Variants in SMAD9 observed in about 807,000 individuals in gnomAD.
SMAD9 encodes SMAD family member 9, also known as MAD homolog 9.
A neutral mutation model predicts 46.1 loss-of-function variants in SMAD9; 36 were observed. The observed-to-expected ratio is 0.78, with a 90% confidence interval of 0.60 to 1.03. The LOEUF is 1.03. Ranked by LOEUF, SMAD9 falls within the 50% of genes least tolerant of loss-of-function variation. The pLI is 0.00. For synonymous variants in SMAD9, 245 were observed against 237.1 expected (o/e 1.03, Z -0.31); for missense variants, 572 against 599.8 (o/e 0.95, Z 0.48).
At chr13:36,913,288 C>T (rs1007470051) in intron 1 of SMAD9, among the ~76,000 whole-genome samples, 2 of 152,152 alleles carry the variant, frequency 1.3e-5, no homozygotes, top group Non-Finnish European at 2.9e-5. Flanking sequence ...GCTAACTACA[C>T]TATGAAATCC....
chr13:36,862,596 C>T (rs150308185), intron 5 of SMAD9, among the ~76,000 whole-genome samples: 2 of 152,212 alleles, frequency 1.3e-5, no homozygotes, highest in Non-Finnish European at 1.5e-5. Context: ...CTTTGTTTAG[C>T]ATATAATCAA....
At chr13:36,861,342 C>T (rs530261565) in intron 5 of SMAD9, among the ~76,000 whole-genome samples, 2 of 151,642 alleles carry the variant, frequency 1.3e-5, no homozygotes, top group African/African-American at 4.8e-5. Flanking sequence ...TGAGATGGAG[C>T]CTTGCACTAT....
chr13:36,860,389 T>C (rs1221283179), intron 5 of SMAD9, among the ~76,000 whole-genome samples: 1 of 151,770 alleles, frequency 6.6e-6, no homozygotes, highest in Non-Finnish European at 1.5e-5. Context: ...TCTCAGAAAG[T>C]TCAATAACCA....
At chr13:36,906,168 AATGTTAT>A (rs2058618788) in intron 1 of SMAD9, among the ~76,000 whole-genome samples, 1 of 152,204 alleles carries the variant, frequency 6.6e-6, no homozygotes, top group South Asian at 2.1e-4. Context: ...TGTGTCATTG[AATGTTAT>A]ATCACACACT....
intron 1 of SMAD9, among the ~76,000 whole-genome samples, chr13:36,913,204 A>G (rs927629993): frequency 6.6e-6 from 1 of 152,228 alleles, no homozygotes; most frequent in Non-Finnish European, 1.5e-5. Flanking sequence ...ACCCAAATAG[A>G]TTACAGTTTG....
chr13:36,907,125 A>C (rs1334925451), intron 1 of SMAD9, among the ~76,000 whole-genome samples: 1 of 152,220 alleles, frequency 6.6e-6, no homozygotes, highest in African/African-American at 2.4e-5. Context: ...GAGTGCAATA[A>C]GCCAGACACA....
rs765087015 is a variant in SMAD9, at chr13:36,845,110, G to GTA, written c.*3565_*3566insTA. The GTA allele has an allele frequency of 2.1e-5, 3 of 143,880 alleles. No individual in the cohort carries two copies. Among genetic ancestry groups the GTA allele is most frequent in the Non-Finnish European group, 3.1e-5 (2 of 64,488 alleles). 8.9% of individuals were successfully genotyped at this position (143,880 alleles called of 1,614,324 possible). ...ATTTGTTGAATATATATGTGTGTGT[G>GTA]TGTGTATATATATATATATATATAC... On this transcript the variant is annotated 3_prime_UTR_variant, in exon 7 of 7. Coordinates refer to ENST00000379826, the MANE Select transcript of SMAD9 (RefSeq NM_001127217.3).
At chr13:36,900,570 G>C (rs1427301756) in intron 1 of SMAD9, among the ~76,000 whole-genome samples, 3 of 151,586 alleles carry the variant, frequency 2.0e-5, no homozygotes, top group Non-Finnish European at 4.4e-5. Context: ...TGAGCCACCC[G>C]CTTGGCCGAC....
chr13:36,852,100 T>C, intron 6 of SMAD9: 4 of 975,836 alleles, frequency 4.1e-6, no homozygotes, highest in Non-Finnish European at 4.9e-6. Context: ...TAAATTTGAA[T>C]GAAACTGCTT....
At chr13:36,918,978 A>T (rs2058719517) in intron 1 of SMAD9, among the ~76,000 whole-genome samples, 1 of 152,090 alleles carries the variant, frequency 6.6e-6, no homozygotes, top group Admixed American at 6.6e-5. Flanking sequence ...TCATCCGAGA[A>T]ATCTGGCAAG....
chr13:36,873,198 T>C (rs2058313561), intron 2 of SMAD9, among the ~76,000 whole-genome samples: 1 of 152,198 alleles, frequency 6.6e-6, no homozygotes, highest in African/African-American at 2.4e-5. Context: ...GAGAAGGATC[T>C]TTCTAGTGTC....
At chr13:36,852,981 T>C (rs537395271) in intron 6 of SMAD9, among the ~76,000 whole-genome samples, 28 of 152,234 alleles carry the variant, frequency 1.8e-4, no homozygotes, top group Non-Finnish European at 2.8e-4. Flanking sequence ...CTAAAAACAA[T>C]AGAATTCAAA....
At position 36,847,319 on chromosome 13, in the gene SMAD9, T is replaced by G. The variant is rs2138245396; in HGVS notation, c.*1357A>C. 1 of 152,322 alleles carries G rather than the reference T, an allele frequency of 6.6e-6. No homozygotes were observed. Among genetic ancestry groups the G allele is most frequent in the East Asian group, 1.9e-4 (1 of 5,186 alleles). 9.4% of individuals were successfully genotyped at this position (152,322 alleles called of 1,614,324 possible). A position where few individuals can be genotyped will look rare whatever the true frequency, so the allele number is the denominator to read the frequency against. On this transcript the variant is annotated 3_prime_UTR_variant, in exon 7 of 7. Coordinates refer to ENST00000379826, the MANE Select transcript of SMAD9 (RefSeq NM_001127217.3). ...TAACTGCCATCTTAAATTGTACATT[T>G]TTAAAGAGGGTGTGAAATATTTTTC...
intron 5 of SMAD9, among the ~76,000 whole-genome samples, chr13:36,855,459 C>G (rs2058115500): frequency 6.6e-6 from 1 of 151,962 alleles, no homozygotes; most frequent in Non-Finnish European, 1.5e-5. Flanking sequence ...CAATTTTACT[C>G]CCACTTTTGA....
At position 36,846,460 on chromosome 13, in the gene SMAD9, C is replaced by T. The variant is rs117560648; in HGVS notation, c.*2216G>A. 0.035 allele frequency: 3,947 copies of T among 111,992 alleles called. 87 individuals are homozygous for T. Among genetic ancestry groups the T allele is most frequent in the Middle Eastern group, 0.11 (18 of 160 alleles). 6.9% of individuals were successfully genotyped at this position (111,992 alleles called of 1,614,324 possible). The stretch of plus-strand genomic sequence containing the variant: ...ACTGCACTCTGGCCTGGTGACACAG[C>T]GAGACTCCATCTCAAAAAAAAAAAA... On this transcript the variant is annotated 3_prime_UTR_variant, in exon 7 of 7. Transcript: ENST00000379826.
chr13:36,855,315 C>T (rs1047668991), intron 5 of SMAD9, among the ~76,000 whole-genome samples: 7 of 150,752 alleles, frequency 4.6e-5, no homozygotes, highest in Non-Finnish European at 8.8e-5. Flanking sequence ...TGCTAATTTC[C>T]ATTCCAAATT....
intron 1 of SMAD9, among the ~76,000 whole-genome samples, chr13:36,913,241 G>A (rs1483467545): frequency 1.3e-5 from 2 of 152,122 alleles, no homozygotes; most frequent in Non-Finnish European, 2.9e-5. Context: ...TACTATTGGA[G>A]AAATATTTTA....
intron 1 of SMAD9, among the ~76,000 whole-genome samples, chr13:36,892,029 A>G (rs186143158): frequency 3.7e-3 from 569 of 152,306 alleles, no homozygotes; most frequent in South Asian, 0.017. Context: ...AGAAAAACAC[A>G]CAGAAAATGA....
Position 36,846,833 on chromosome 13 carries a change from G to T in SMAD9, c.*1843C>A, listed in dbSNP as rs371467710. The T allele has an allele frequency of 6.6e-6, 1 of 152,238 alleles. No individual in the cohort carries two copies. The highest frequency in any genetic ancestry group is 1.9e-4 in the East Asian group (1 of 5,182). 9.4% of individuals were successfully genotyped at this position (152,238 alleles called of 1,614,324 possible). On this transcript the variant is annotated 3_prime_UTR_variant, in exon 7 of 7. Transcript: ENST00000379826. ...AAAAGATGATAGATTACATTATTTT[G>T]TTTTGTTTTAAAAGTTCTGAAACAT...
Sources: allele counts gnomAD v4.1 joint callset (sites outside exome capture counted in the v4.1 genomes callset), GRCh38; gene constraint gnomAD v4.1.1; transcripts MANE v1.5; gene names NCBI Gene and HGNC (gene_info 2026-07-23, HGNC 2026-07-21).